Variants in SEMA6D observed in about 807,000 individuals in gnomAD.
SEMA6D encodes semaphorin-6D.
Under a neutral mutation model 106.6 loss-of-function variants are expected in SEMA6D, and 35 were observed. The observed-to-expected ratio is 0.33, with a 90% CI of 0.25 to 0.44. The LOEUF is 0.44. Among genes scored for constraint, SEMA6D ranks in the 20% least tolerant of loss-of-function variants. The probability of loss-of-function intolerance (pLI) is 1.00; values close to 1 mark genes in which losing one functional copy is unlikely to be tolerated. For missense variants in SEMA6D, 1,185 were observed against 1,345.9 expected (o/e 0.88, Z 1.87); for synonymous variants, 499 against 487.7 (o/e 1.02, Z -0.31).
At chr15:47,273,229 G>T (rs2034638907) in intron 1 of SEMA6D, among the ~76,000 whole-genome samples, 1 of 143,838 alleles carries the variant, frequency 7.0e-6, no homozygotes, top group East Asian at 2.2e-4. Context: ...TTCTGAAGTG[G>T]GAGCCTTCTT....
intron 3 of SEMA6D, among the ~76,000 whole-genome samples, chr15:47,527,490 A>T (rs1753311149): frequency 6.6e-6 from 1 of 152,210 alleles, no homozygotes; most frequent in South Asian, 2.1e-4. Flanking sequence ...TGTGAAATTA[A>T]TTGATGAAAG....
chr15:47,443,134 A>C (rs2041931551), intron 2 of SEMA6D, among the ~76,000 whole-genome samples: 1 of 152,092 alleles, frequency 6.6e-6, no homozygotes, highest in Admixed American at 6.6e-5. Flanking sequence ...GTAATGATAG[A>C]TATGTCACCT....
At chr15:47,334,167 G>GT (rs2037459565) in intron 1 of SEMA6D, among the ~76,000 whole-genome samples, 1 of 152,196 alleles carries the variant, frequency 6.6e-6, no homozygotes, top group Non-Finnish European at 1.5e-5. Flanking sequence ...ACATGTGGAG[G>GT]TTCCTGGAGG....
At chr15:47,727,548 G>C (rs2079837830) in intron 1 of SEMA6D, among the ~76,000 whole-genome samples, 1 of 152,206 alleles carries the variant, frequency 6.6e-6, no homozygotes, top group Non-Finnish European at 1.5e-5. Context: ...GTAGATCTAA[G>C]ACCTCTTGCC....
At chr15:47,475,312 A>G (rs1326540107) in intron 3 of SEMA6D, among the ~76,000 whole-genome samples, 2 of 152,216 alleles carry the variant, frequency 1.3e-5, no homozygotes, top group African/African-American at 2.4e-5. Context: ...ACAACTCTAT[A>G]AAGTATCATC....
chr15:47,273,233 C>A (rs944503689), intron 1 of SEMA6D, among the ~76,000 whole-genome samples: 9 of 134,004 alleles, frequency 6.7e-5, no homozygotes, highest in Admixed American at 6.4e-4. Context: ...GAAGTGGGAG[C>A]CTTCTTTTGT....
At chr15:47,513,406 C>T (rs2044292330) in intron 3 of SEMA6D, among the ~76,000 whole-genome samples, 1 of 152,098 alleles carries the variant, frequency 6.6e-6, no homozygotes, top group Non-Finnish European at 1.5e-5. Context: ...ACTACATTTT[C>T]CTTGAGGAGA....
chr15:47,313,004 T>G (rs1446763227), intron 1 of SEMA6D, among the ~76,000 whole-genome samples: 1 of 152,102 alleles, frequency 6.6e-6, no homozygotes, highest in African/African-American at 2.4e-5. Flanking sequence ...ACAGCAAAAT[T>G]GGTAGGAAAT....
chr15:47,674,206 C>T (rs1165263809), intron 4 of SEMA6D, among the ~76,000 whole-genome samples: 1 of 152,098 alleles, frequency 6.6e-6, no homozygotes, highest in African/African-American at 2.4e-5. Flanking sequence ...AGAATATTTC[C>T]AAATAAGAAC....
At chr15:47,457,525 AC>A (rs1276910017) in intron 2 of SEMA6D, among the ~76,000 whole-genome samples, 6 of 151,932 alleles carry the variant, frequency 3.9e-5, no homozygotes, top group African/African-American at 2.4e-5. Context: ...CCTAGTTCAA[AC>A]TTGTAGAGAT....
Position 47,616,082 on chromosome 15 carries a change from G to A in SEMA6D, c.-55+15186G>A, listed in dbSNP as rs562618303. Among the ~76,000 whole-genome samples, 84 of 151,962 alleles carry A rather than the reference G, an allele frequency of 5.5e-4. 1 individual carries two copies. The highest frequency in any genetic ancestry group is 8.2e-4 in the Non-Finnish European group (56 of 67,970). ...TTTGTGCATATTCAAGTATGATTAC[G>A]TCTTATTTGAATTAATATTTACCGA... On this transcript the variant is annotated intron_variant, in intron 4 of 19. Transcript: ENST00000558014.
chr15:47,687,768 A>C (rs979249137), intron 4 of SEMA6D, among the ~76,000 whole-genome samples: 1 of 152,098 alleles, frequency 6.6e-6, no homozygotes, highest in Admixed American at 6.6e-5. Context: ...AGTAGAAGCA[A>C]CCAGATGTGG....
chr15:47,498,668 A>T (rs1360320582), intron 3 of SEMA6D, among the ~76,000 whole-genome samples: 1 of 152,162 alleles, frequency 6.6e-6, no homozygotes, highest in African/African-American at 2.4e-5. Context: ...TCAAGGACCG[A>T]TTCAAAATAT....
At chr15:47,187,050 C>T (rs997546183) in intron 1 of SEMA6D, among the ~76,000 whole-genome samples, 1 of 152,212 alleles carries the variant, frequency 6.6e-6, no homozygotes, top group African/African-American at 2.4e-5. Flanking sequence ...TGTAGGCCTC[C>T]TGGCCATTCG....
At chr15:47,382,513 A>G (rs2039678523) in intron 1 of SEMA6D, among the ~76,000 whole-genome samples, 1 of 151,688 alleles carries the variant, frequency 6.6e-6, no homozygotes, top group Non-Finnish European at 1.5e-5. Context: ...TCTCAAAAAG[A>G]AAAAAAAAGG....
chr15:47,324,301 A>G (rs1798895066), intron 1 of SEMA6D, among the ~76,000 whole-genome samples: 2 of 152,210 alleles, frequency 1.3e-5, no homozygotes, highest in East Asian at 1.9e-4. Context: ...ACCTACAAAT[A>G]TATAAAAATT....
intron 4 of SEMA6D, among the ~76,000 whole-genome samples, chr15:47,687,173 A>T (rs2078488521): frequency 6.6e-6 from 1 of 152,148 alleles, no homozygotes; most frequent in Admixed American, 6.5e-5. Context: ...TTGTAGAGAT[A>T]AAATGAAAGC....
intron 2 of SEMA6D, among the ~76,000 whole-genome samples, chr15:47,426,927 G>C (rs1428727160): frequency 6.6e-6 from 1 of 152,104 alleles, no homozygotes; most frequent in Non-Finnish European, 1.5e-5. Context: ...AAGACATAAT[G>C]ATCATTTTAC....
chr15:47,361,907 C>T (rs561271272), intron 1 of SEMA6D, among the ~76,000 whole-genome samples: 24 of 152,288 alleles, frequency 1.6e-4, no homozygotes, highest in Non-Finnish European at 2.8e-4. Context: ...ACAAACTGTA[C>T]TGTGTAATTA....
Sources: allele counts gnomAD v4.1 joint callset (sites outside exome capture counted in the v4.1 genomes callset), GRCh38; gene constraint gnomAD v4.1.1; transcripts MANE v1.5; gene names NCBI Gene and HGNC (gene_info 2026-07-23, HGNC 2026-07-21).